The following BRMS1L variants were observed in gnomAD, a reference collection of about 807,000 sequenced individuals.
BRMS1L encodes the protein BRMS1 like transcriptional repressor.
A neutral mutation model predicts 50.3 loss-of-function variants in BRMS1L; 23 were observed. The observed-to-expected ratio is 0.46, with a 90% confidence interval of 0.33 to 0.65. BRMS1L has a LOEUF of 0.65. Among genes scored for constraint, BRMS1L ranks in the 30% least tolerant of loss-of-function variants. The pLI is 0.02. For synonymous variants in BRMS1L, 114 were observed against 126.9 expected (o/e 0.90, Z 0.69); for missense variants, 286 against 386.1 (o/e 0.74, Z 2.17).
chr14:35,826,785 G>C, intron 1 of BRMS1L, 127 bp downstream of exon 1: 1 of 1,361,610 alleles, frequency 7.3e-7, no homozygotes, highest in Non-Finnish European at 9.8e-7. Flanking sequence ...GCGGAGACTG[G>C]CTCTGGGCCC....
Position 35,834,832 on chromosome 14 carries a change from G to A in BRMS1L, c.362-12G>A, listed in dbSNP as rs776665415. 6 of 1,530,434 alleles carry A rather than the reference G, an allele frequency of 3.9e-6. No individual in the cohort carries two copies. The highest frequency in any genetic ancestry group is 5.3e-6 in the Non-Finnish European group (6 of 1,137,624). The allele number at this position is 1,530,434 out of a possible 1,614,324, so 94.8% of individuals were successfully genotyped here. ...TTGCTAACATAATCAGAGTAATTGTGTTTGGTTGCAGGAATCTATAGAGAG... is the reference window on the plus strand; with the variant it reads ...TTGCTAACATAATCAGAGTAATTGTATTTGGTTGCAGGAATCTATAGAGAG... On this transcript the variant is annotated splice_polypyrimidine_tract_variant and intron_variant, in intron 3 of 9. Transcript: ENST00000216807.
chr14:35,859,506 G>A (rs2078323101), intron 4 of BRMS1L, among the ~76,000 whole-genome samples: 1 of 152,112 alleles, frequency 6.6e-6, no homozygotes. Flanking sequence ...TACATGACCT[G>A]TTTTCTTCCT....
At chr14:35,863,426 A>G (rs183507231) in intron 5 of BRMS1L, among the ~76,000 whole-genome samples, 73 of 152,302 alleles carry the variant, frequency 4.8e-4, no homozygotes, top group Admixed American at 1.9e-3. Context: ...TCTATAGGGT[A>G]GGCATGGTGG....
At chr14:35,836,624 G>A (rs1318881888) in intron 4 of BRMS1L, among the ~76,000 whole-genome samples, 1 of 152,210 alleles carries the variant, frequency 6.6e-6, no homozygotes, top group African/African-American at 2.4e-5. Flanking sequence ...TTACAGGTGT[G>A]AGCCAAGGAT....
intron 1 of BRMS1L, 56 bp downstream of exon 1, chr14:35,826,714 C>G (rs1318552059): frequency 1.3e-6 from 2 of 1,592,566 alleles, no homozygotes; most frequent in Admixed American, 3.5e-5. Context: ...CGACAGGCCG[C>G]TCTCCGCACG....
chr14:35,826,410 G>A lies in BRMS1L; in HGVS notation c.-107G>A, dbSNP rs1166224771. On this transcript the variant is annotated 5_prime_UTR_variant, in exon 1 of 10. Transcript: ENST00000216807. ...GGGGGCGGGGAGGAGCCAAGGGGGC[G>A]AGCAAGCTCGGTGGCTGGGTGGGTT... The A allele has an allele frequency of 2.0e-6, 3 of 1,512,286 alleles. No homozygotes were observed. The highest frequency in any genetic ancestry group is 4.9e-5 in the East Asian group (2 of 40,670). The allele number at this position is 1,512,286 out of a possible 1,614,324, so 93.7% of individuals were successfully genotyped here. A position where few individuals can be genotyped will look rare whatever the true frequency, so the allele number is the denominator to read the frequency against.
At chr14:35,847,105 G>C (rs149450679) in intron 4 of BRMS1L, among the ~76,000 whole-genome samples, 1 of 151,986 alleles carries the variant, frequency 6.6e-6, no homozygotes, top group Non-Finnish European at 1.5e-5. Flanking sequence ...ATCTCCAGTA[G>C]CTGGGACTGC....
intron 2 of BRMS1L, among the ~76,000 whole-genome samples, chr14:35,832,563 C>T (rs535997116): frequency 7.9e-5 from 12 of 151,464 alleles, no homozygotes; most frequent in South Asian, 4.2e-4. Flanking sequence ...TTTTCAGGAA[C>T]GGTAGAGAGA....
At position 35,829,689 on chromosome 14, in the gene BRMS1L, CA is replaced by C. The variant is rs1198647557; in HGVS notation, c.143-1717del. 6 of 425,888 alleles carry C rather than the reference CA, an allele frequency of 1.4e-5. No homozygotes were observed. The East Asian group carries it at 6.3e-4, about 44-fold the overall frequency. 26.4% of individuals were successfully genotyped at this position (425,888 alleles called of 1,614,324 possible). A position where few individuals can be genotyped will look rare whatever the true frequency, so the allele number is the denominator to read the frequency against. ...TTTGAGTAGCCAAGAAGTAAGCAAT[CA>C]AAAGCCAGAAGTATTTTTAATCTGT... is the stretch of plus-strand genomic sequence containing the variant. On this transcript the variant is annotated intron_variant, in intron 1 of 9. Coordinates refer to ENST00000216807, the MANE Select transcript of BRMS1L (RefSeq NM_032352.4).
At chr14:35,844,638 C>G (rs553921271) in intron 4 of BRMS1L, among the ~76,000 whole-genome samples, 25 of 152,324 alleles carry the variant, frequency 1.6e-4, no homozygotes, top group Non-Finnish European at 2.8e-4. Context: ...ATTTGGCCAT[C>G]TTGCCAGCCA....
intron 4 of BRMS1L, among the ~76,000 whole-genome samples, chr14:35,859,222 G>A (rs1375321434): frequency 6.6e-6 from 1 of 152,086 alleles, no homozygotes; most frequent in Non-Finnish European, 1.5e-5. Flanking sequence ...GGGAGTATAG[G>A]CGTGAGCCAC....
chr14:35,865,022 C>T (rs759617660), intron 7 of BRMS1L, 23 bp downstream of exon 7: 13 of 1,479,848 alleles, frequency 8.8e-6, no homozygotes, highest in Non-Finnish European at 1.2e-5. Context: ...AGCAGTGGAA[C>T]ACAAGTATGT....
At chr14:35,827,822 G>A (rs2077864381) in intron 1 of BRMS1L, among the ~76,000 whole-genome samples, 1 of 152,186 alleles carries the variant, frequency 6.6e-6, no homozygotes, top group Non-Finnish European at 1.5e-5. Flanking sequence ...AGCTGAAGAA[G>A]GTGGGATTAC....
In BRMS1L at chr14:35,834,858, C is replaced by T; in HGVS notation, c.376C>T (p.Leu126Phe). The change falls in exon 4 of 10, where the codon CTC (leucine) becomes TTC (phenylalanine). Residue 126 changes from leucine to phenylalanine, a missense_variant. Physicochemically the swap from Leu to Phe is conservative, Grantham distance 22. Transcript: ENST00000216807. The part of the protein sequence containing the change: ...RTKVAGIYRE[L>F]CLESVKNKYE... ...TTTGGTTGCAGGAATCTATAGAGAG[C>T]TCTGCTTAGAATCTGTAAAGAACAA... 1 of 1,580,278 alleles carries T rather than the reference C, an allele frequency of 6.3e-7. No individual in the cohort carries two copies. Among genetic ancestry groups the T allele is most frequent in the Non-Finnish European group, 8.6e-7 (1 of 1,163,814 alleles).
At chr14:35,844,494 G>C (rs1227324336) in intron 4 of BRMS1L, among the ~76,000 whole-genome samples, 1 of 152,156 alleles carries the variant, frequency 6.6e-6, no homozygotes, top group Non-Finnish European at 1.5e-5. Flanking sequence ...ACCCTGCTTT[G>C]GCTCGCCCTC....
chr14:35,838,676 T>A (rs1415004874), intron 4 of BRMS1L, among the ~76,000 whole-genome samples: 2 of 152,248 alleles, frequency 1.3e-5, no homozygotes, highest in African/African-American at 4.8e-5. Flanking sequence ...TGTCTTCTTT[T>A]GAGAAGTGTC....
intron 4 of BRMS1L, among the ~76,000 whole-genome samples, chr14:35,845,384 A>G (rs1041857349): frequency 1.3e-5 from 2 of 152,198 alleles, no homozygotes; most frequent in Non-Finnish European, 2.9e-5. Flanking sequence ...TGTCAAGTTA[A>G]GGAAATTTCC....
chr14:35,839,357 C>CT (rs2078032953), intron 4 of BRMS1L, among the ~76,000 whole-genome samples: 1 of 152,058 alleles, frequency 6.6e-6, no homozygotes. Flanking sequence ...TATATGGGCT[C>CT]TTTTTTGGTT....
intron 4 of BRMS1L, among the ~76,000 whole-genome samples, chr14:35,851,083 C>T (rs1209505544): frequency 6.6e-6 from 1 of 152,160 alleles, no homozygotes; most frequent in Non-Finnish European, 1.5e-5. Flanking sequence ...GGAGGTTTCA[C>T]AGTCTGATTT....
Sources: gnomAD v4.1 joint callset for allele counts (sites outside exome capture counted in the v4.1 genomes callset) on GRCh38, gnomAD v4.1.1 for gene constraint, MANE v1.5 for transcripts, NCBI Gene and HGNC (gene_info 2026-07-23, HGNC 2026-07-21) for gene names.